The following STARD8 variants were observed in gnomAD, a reference collection of about 807,000 sequenced individuals.
STARD8 encodes StAR related lipid transfer domain containing 8.
In STARD8, 25 loss-of-function variants were observed where a neutral mutation model predicts 69.4. That is an observed-to-expected ratio of 0.36 (90% CI 0.26 to 0.50). The LOEUF is 0.50. Ranked by LOEUF, STARD8 falls within the 20% of genes least tolerant of loss-of-function variation. The pLI is 0.96. For missense variants in STARD8, 921 were observed against 932.5 expected (o/e 0.99, Z 0.16); for synonymous variants, 389 against 374.6 (o/e 1.04, Z -0.45).
At chrX:68,719,760 T>TA (rs1459980921) in intron 7 of STARD8, among the ~76,000 whole-genome samples, 1 of 112,328 alleles carries the variant, frequency 8.9e-6, no homozygotes, top group Admixed American at 9.3e-5. Context: ...CTCTTTAGCC[T>TA]ACCGCTCCTA....
chrX:68,674,692 A>G (rs764135901), intron 2 of STARD8, among the ~76,000 whole-genome samples: 45 of 110,590 alleles, frequency 4.1e-4, no homozygotes, highest in Non-Finnish European at 7.6e-4. Context: ...AAATTCATAA[A>G]CCTCTGGGTC....
At chrX:68,707,581 G>T (rs1184130493) in intron 2 of STARD8, among the ~76,000 whole-genome samples, 1 of 111,608 alleles carries the variant, frequency 9.0e-6, no homozygotes, top group Non-Finnish European at 1.9e-5. Context: ...GTCATGGGTG[G>T]GGCCCATTAG....
At chrX:68,679,115 A>G (rs1325972124) in intron 2 of STARD8, among the ~76,000 whole-genome samples, 1 of 112,578 alleles carries the variant, frequency 8.9e-6, no homozygotes. Flanking sequence ...TCATGCAATC[A>G]TCACTCACAA....
intron 1 of STARD8, among the ~76,000 whole-genome samples, chrX:68,657,518 G>A (rs2079618369): frequency 8.9e-6 from 1 of 111,950 alleles, no homozygotes. Context: ...TGCCCTATTG[G>A]TGGGCACGAT....
At position 68,698,439 on chromosome X, in the gene STARD8, TCCCTCCAC is replaced by T. The variant is rs760009781; in HGVS notation, c.80-14474_80-14467del. On this transcript the variant is annotated intron_variant, in intron 2 of 14. Transcript: ENST00000374599. ...TGTCTGTTTTCAGTACAGCTGTGGG[TCCCTCCAC>T]ACCAGGCTGCAGTGGAAATGGGGAC... 5.1e-3 allele frequency among the ~76,000 whole-genome samples: 572 copies of T among 111,245 alleles called. 2 individuals are homozygous for T. The highest frequency in any genetic ancestry group is 0.018 in the African/African-American group (543 of 30,537).
At chrX:68,701,503 G>T (rs1467427025) in intron 2 of STARD8, among the ~76,000 whole-genome samples, 1 of 112,974 alleles carries the variant, frequency 8.9e-6, no homozygotes, top group Non-Finnish European at 1.9e-5. Context: ...GTCACTTCTG[G>T]ACAGGCAGTC....
At chrX:68,707,811 G>A (rs1252347799) in intron 2 of STARD8, among the ~76,000 whole-genome samples, 13 of 111,541 alleles carry the variant, frequency 1.2e-4, no homozygotes, top group Non-Finnish European at 2.3e-4. Flanking sequence ...CCCAGGACCG[G>A]GCAGCTCTCT....
intron 2 of STARD8, among the ~76,000 whole-genome samples, chrX:68,676,879 C>A (rs1256983646): frequency 9.0e-6 from 1 of 110,693 alleles, no homozygotes; most frequent in Admixed American, 9.7e-5. Context: ...GGCTTGGTGA[C>A]TTATGCCTGT....
chrX:68,724,072 T>C lies in STARD8; in HGVS notation c.3145T>C (p.Cys1049Arg). Residue 1049 changes from cysteine to arginine, a missense_variant, in exon 14 of 15, where the codon TGC becomes CGC. Cys to Arg is a radical substitution (Grantham distance 180). Coordinates refer to ENST00000374599, the MANE Select transcript of STARD8 (RefSeq NM_001142503.3). Reference protein sequence around the residue: ...MLTSQYLMEPCGLGRSRLTHI... With the variant: ...MLTSQYLMEPRGLGRSRLTHI... ...CACATCCCAGTACCTCATGGAGCCT[T>C]GCGGCTTGGGCCGCTCTCGGCTCAC... The C allele has an allele frequency of 8.3e-7, 1 of 1,211,872 alleles. No homozygotes were observed. The highest frequency in any genetic ancestry group is 1.1e-6 in the Non-Finnish European group (1 of 895,540).
At chrX:68,653,035 ACACACACACATCACACAC>A (rs2079569001) in intron 1 of STARD8, among the ~76,000 whole-genome samples, 1 of 12,080 alleles carries the variant, frequency 8.3e-5, no homozygotes, top group Non-Finnish European at 1.5e-4. Context: ...CCCACACACC[ACACACACACATCACACAC>A]CACACACACC....
At chrX:68,710,317 C>T (rs1178053734) in intron 2 of STARD8, among the ~76,000 whole-genome samples, 2 of 112,352 alleles carry the variant, frequency 1.8e-5, no homozygotes, top group South Asian at 3.7e-4. Flanking sequence ...TTTAAAATAA[C>T]ACTTCCTAGC....
chrX:68,654,213 C>T (rs1368416649), intron 1 of STARD8, among the ~76,000 whole-genome samples: 1 of 111,786 alleles, frequency 8.9e-6, no homozygotes, highest in African/African-American at 3.3e-5. Context: ...GGCATCAGGA[C>T]ACAGCGGATT....
At position 68,721,088 on chromosome X, in the gene STARD8, C is replaced by A. The variant is rs1404105439; in HGVS notation, c.2214C>A (p.Ser738Arg). ...FRDLPEPIFT[S>R]KLTTTFLQIY... Reference sequence around the variant, plus strand: ...ACCTGCCTGAGCCCATCTTCACCAGCAAGCTCACCACCACTTTCCTCCAGA... The same window carrying A: ...ACCTGCCTGAGCCCATCTTCACCAGAAAGCTCACCACCACTTTCCTCCAGA... The change falls in exon 9 of 15, where the codon AGC becomes AGA. Residue 738 changes from serine to arginine, a missense_variant. Transcript: ENST00000374599. 1 of 1,212,129 alleles carries A rather than the reference C, an allele frequency of 8.2e-7. No homozygotes were observed. The highest frequency in any genetic ancestry group is 1.1e-6 in the Non-Finnish European group (1 of 895,621).
At chrX:68,693,727 C>G in intron 2 of STARD8, 1 of 755,061 alleles carries the variant, frequency 1.3e-6, no homozygotes, top group Non-Finnish European at 1.6e-6. Flanking sequence ...GACCCCAGGC[C>G]CCGCGTGTGT....
chrX:68,661,334 G>A (rs76155780), intron 1 of STARD8, among the ~76,000 whole-genome samples: 4 of 111,878 alleles, frequency 3.6e-5, no homozygotes, highest in Non-Finnish European at 5.6e-5. Flanking sequence ...AGCAACCATC[G>A]TTCTGTTTTT....
rs986032022 is a variant in STARD8, at chrX:68,650,638, GA to G, written c.45+2720del. ...GCAGCATAGTAAGACTGTGTCTCTA[GA>G]AAAAAAAATTTAAAATTAGTCAGGC... is the stretch of plus-strand genomic sequence containing the variant. On this transcript the variant is annotated intron_variant, in intron 1 of 14. Coordinates refer to ENST00000374599, the MANE Select transcript of STARD8 (RefSeq NM_001142503.3). Among the ~76,000 whole-genome samples, 18 of 109,047 alleles carry G rather than the reference GA, an allele frequency of 1.7e-4. No homozygotes were observed. In the East Asian group the frequency reaches 2.0e-3, roughly 12 times the overall value. 94.7% of individuals were successfully genotyped at this position (109,047 alleles called of 115,157 possible).
chrX:68,676,241 G>T (rs145285092), intron 2 of STARD8, among the ~76,000 whole-genome samples: 1,646 of 111,798 alleles, frequency 0.015, 34 homozygotes, highest in African/African-American at 0.05. Context: ...CCTTCTGTAC[G>T]TGTCTGTGTC....
chrX:68,693,811 T>C, intron 2 of STARD8: 1 of 754,294 alleles, frequency 1.3e-6, no homozygotes, highest in Non-Finnish European at 1.6e-6. Flanking sequence ...CCCAAAGGGG[T>C]GGACGCGGCC....
chrX:68,723,021 G>A (rs1002601292), intron 12 of STARD8, among the ~76,000 whole-genome samples: 2 of 112,281 alleles, frequency 1.8e-5, no homozygotes, highest in Non-Finnish European at 1.9e-5. Context: ...TACGTCTCCC[G>A]AGTCACCTTT....
Sources: gnomAD v4.1 joint callset for allele counts (sites outside exome capture counted in the v4.1 genomes callset) on GRCh38, gnomAD v4.1.1 for gene constraint, MANE v1.5 for transcripts, NCBI Gene and HGNC (gene_info 2026-07-23, HGNC 2026-07-21) for gene names.